The following TBX20 variants were observed in gnomAD, a reference collection of about 807,000 sequenced individuals.
TBX20 encodes T-box transcription factor 20.
Under a neutral mutation model 42.9 loss-of-function variants are expected in TBX20, and 8 were observed. The ratio of observed to expected loss-of-function variants is 0.19; its 90% CI spans 0.11 to 0.34. The LOEUF is 0.34. Among genes scored for constraint, TBX20 ranks in the 10% least tolerant of loss-of-function variants. The pLI, the probability that TBX20 is intolerant of heterozygous loss-of-function variation, is 1.00. For missense variants in TBX20, 411 were observed against 566.0 expected (o/e 0.73, Z 2.78); for synonymous variants, 198 against 222.8 (o/e 0.89, Z 0.99).
intron 5 of TBX20, among the ~76,000 whole-genome samples, chr7:35,236,748 A>G (rs1467355170): frequency 6.6e-6 from 1 of 152,188 alleles, no homozygotes; most frequent in Non-Finnish European, 1.5e-5. Context: ...AAAGGTGGAT[A>G]TCGAAAAATA....
intron 3 of TBX20, 40 bp downstream of exon 3, chr7:35,248,637 C>A: frequency 1.2e-6 from 2 of 1,605,386 alleles, no homozygotes; most frequent in South Asian, 1.1e-5. Flanking sequence ...CTGACAGATG[C>A]ACTAACAGTT....
At chr7:35,248,060 C>T (rs1436582528) in intron 3 of TBX20, among the ~76,000 whole-genome samples, 10 of 152,108 alleles carry the variant, frequency 6.6e-5, no homozygotes, top group Non-Finnish European at 8.8e-5. Context: ...AATATGTTAA[C>T]TGAGGAATGT....
At chr7:35,214,867 A>T (rs1388109020) in intron 6 of TBX20, among the ~76,000 whole-genome samples, 3 of 152,156 alleles carry the variant, frequency 2.0e-5, no homozygotes, top group African/African-American at 7.2e-5. Context: ...CTTGGAAGAT[A>T]TTTTTTGTAC....
At chr7:35,236,359 A>G (rs61628362) in intron 5 of TBX20, among the ~76,000 whole-genome samples, 54,942 of 150,992 alleles carry the variant, frequency 0.36, 10,278 homozygotes, top group Admixed American at 0.46. Context: ...TATACCTAGT[A>G]TATATTTACT....
At chr7:35,218,345 A>C (rs1457430855) in intron 6 of TBX20, among the ~76,000 whole-genome samples, 1 of 152,022 alleles carries the variant, frequency 6.6e-6, no homozygotes, top group Non-Finnish European at 1.5e-5. Flanking sequence ...GTTGCAAAAA[A>C]CCCTGAGTTC....
chr7:35,205,292 T>C (rs972514211), intron 6 of TBX20, among the ~76,000 whole-genome samples: 3 of 151,416 alleles, frequency 2.0e-5, no homozygotes, highest in Non-Finnish European at 4.4e-5. Context: ...AACCAAACAG[T>C]GAGGTTAACT....
Position 35,253,762 on chromosome 7 carries a change from T to C in TBX20, c.-142A>G. 2 of 1,009,358 alleles carry C rather than the reference T, an allele frequency of 2.0e-6. No individual in the cohort carries two copies. The highest frequency in any genetic ancestry group is 1.4e-6 in the Non-Finnish European group (1 of 697,250). The allele number at this position is 1,009,358 out of a possible 1,614,324, so 62.5% of individuals were successfully genotyped here. On this transcript the variant is annotated 5_prime_UTR_variant, in exon 1 of 8. Transcript: ENST00000408931. The stretch of plus-strand genomic sequence containing the variant: ...GGCCAGGGACTCCAGAAGTGTCAGC[T>C]CCAACGACTCCAGAGCTGCACACTG...
chr7:35,228,323 T>A (rs1789810931), intron 6 of TBX20, among the ~76,000 whole-genome samples: 1 of 152,120 alleles, frequency 6.6e-6, no homozygotes, highest in Admixed American at 6.5e-5. Flanking sequence ...TATCTATTTA[T>A]ATTAAGGGGA....
At chr7:35,228,613 T>C (rs998705263) in intron 6 of TBX20, among the ~76,000 whole-genome samples, 2 of 152,148 alleles carry the variant, frequency 1.3e-5, no homozygotes, top group Non-Finnish European at 2.9e-5. Flanking sequence ...ATTTTTCTTT[T>C]CTCAGAAGGA....
At position 35,241,018 on chromosome 7, in the gene TBX20, T is replaced by C; in HGVS notation, c.674A>G (p.His225Arg). 2 of 1,613,926 alleles carry C rather than the reference T, an allele frequency of 1.2e-6. No individual in the cohort carries two copies. The highest frequency in any genetic ancestry group is 1.7e-6 in the Non-Finnish European group (2 of 1,179,822). Residue 225 changes from histidine to arginine, a missense_variant, in exon 5 of 8, where the codon CAT (histidine) becomes CGT (arginine). This residue lies in a region of TBX20 where 121 missense variants were observed against 165.9 expected (regional missense o/e 0.73). Transcript: ENST00000408931. ...GATGTGCACCCTTGGCTGGTACTTA[T>C]GCATTGAGTTCAAAATTATCTACAA... ...QHGHIILNSM[H>R]KYQPRVHIIK...
chr7:35,248,921 G>GGGAGGGAA, intron 2 of TBX20, 80 bp from the exon 3 acceptor site: 1 of 1,571,290 alleles, frequency 6.4e-7, no homozygotes, highest in African/African-American at 1.4e-5. Context: ...GAGGAAGGGA[G>GGGAGGGAA]GGAGGGAAGG....
chr7:35,232,645 A>G (rs149868876), intron 5 of TBX20, among the ~76,000 whole-genome samples: 1 of 152,230 alleles, frequency 6.6e-6, no homozygotes, highest in Non-Finnish European at 1.5e-5. Context: ...AATGCATGCT[A>G]AAGATTCTTA....
At position 35,202,713 on chromosome 7, in the gene TBX20, G is replaced by T; in HGVS notation, c.1061C>A (p.Ser354Tyr). 6.3e-7 allele frequency: 1 copy of T among 1,596,548 alleles called. No homozygotes were observed. Among genetic ancestry groups the T allele is most frequent in the Non-Finnish European group, 8.5e-7 (1 of 1,171,384 alleles). Residue 354 changes from serine (S) to tyrosine (Y), a missense_variant, in exon 8 of 8, where the codon TCC becomes TAC. Around this residue, in one of 5 missense-constraint regions of TBX20, gnomAD observed 162 missense variants for 205.4 expected, o/e 0.79. Coordinates refer to ENST00000408931, the MANE Select transcript of TBX20 (RefSeq NM_001077653.2). ...TGGGTGCTGAAACCCAGGAAAACTG[G>T]AAGAAGATGATACCCAGGAGCTGAG... ...LSLSSWVSSS[S>Y]SFPGFQHPQS...
intron 5 of TBX20, among the ~76,000 whole-genome samples, chr7:35,239,149 A>G (rs75131828): frequency 0.36 from 55,136 of 151,410 alleles, 10,338 homozygotes; most frequent in Admixed American, 0.46. Flanking sequence ...TAGGAGAGTA[A>G]GCCTTACATA....
chr7:35,235,876 T>C (rs11768248), intron 5 of TBX20, among the ~76,000 whole-genome samples: 1,675 of 152,200 alleles, frequency 0.011, 17 homozygotes, highest in Non-Finnish European at 0.018. Context: ...AGCCACAAGG[T>C]AAAATTGGCC....
chr7:35,213,949 G>A (rs929392683), intron 6 of TBX20, among the ~76,000 whole-genome samples: 1 of 150,662 alleles, frequency 6.6e-6, no homozygotes, highest in African/African-American at 2.4e-5. Context: ...TGGGAGTTGG[G>A]GTGAAAAGTG....
At chr7:35,212,464 T>C (rs1418677354) in intron 6 of TBX20, among the ~76,000 whole-genome samples, 1 of 152,218 alleles carries the variant, frequency 6.6e-6, no homozygotes, top group African/African-American at 2.4e-5. Flanking sequence ...AATTAGATAC[T>C]AGGCATTGTG....
intron 6 of TBX20, among the ~76,000 whole-genome samples, chr7:35,214,007 T>C (rs1171635903): frequency 6.6e-6 from 1 of 151,228 alleles, no homozygotes; most frequent in East Asian, 1.9e-4. Flanking sequence ...TTGATAATAG[T>C]GCTATGGAAA....
chr7:35,248,362 G>A (rs939304699), intron 3 of TBX20, among the ~76,000 whole-genome samples: 34 of 152,310 alleles, frequency 2.2e-4, no homozygotes, highest in African/African-American at 7.0e-4. Context: ...TAGAGAGGAT[G>A]TCTATATTTA....
Sources: gnomAD v4.1 joint callset for allele counts (sites outside exome capture counted in the v4.1 genomes callset) on GRCh38, gnomAD v4.1.1 for gene constraint, gnomAD v4.1.1 regional missense constraint, MANE v1.5 for transcripts, NCBI Gene and HGNC (gene_info 2026-07-23, HGNC 2026-07-21) for gene names.